MAP7: variants seen among roughly 807,000 people sequenced by gnomAD.
MAP7 encodes ensconsin.
Under a neutral mutation model 94.8 loss-of-function variants are expected in MAP7, and 52 were observed. The ratio of observed to expected loss-of-function variants is 0.55; its 90% CI spans 0.44 to 0.69. The LOEUF (loss-of-function observed/expected upper bound fraction) is 0.69. Ranked by LOEUF, MAP7 falls within the 30% of genes least tolerant of loss-of-function variation. The pLI, the probability that MAP7 is intolerant of heterozygous loss-of-function variation, is 0.00. For missense variants in MAP7, 940 were observed against 964.6 expected (o/e 0.97, Z 0.34); for synonymous variants, 350 against 357.0 (o/e 0.98, Z 0.22).
intron 7 of MAP7, among the ~76,000 whole-genome samples, chr6:136,375,113 A>G (rs1775709975): frequency 6.6e-6 from 1 of 152,216 alleles, no homozygotes; most frequent in African/African-American, 2.4e-5. Flanking sequence ...TGCAGAGAAA[A>G]GATAATGCAG....
intron 2 of MAP7, among the ~76,000 whole-genome samples, chr6:136,416,042 T>C (rs1789283953): frequency 6.6e-6 from 1 of 152,210 alleles, no homozygotes; most frequent in Non-Finnish European, 1.5e-5. Flanking sequence ...TCTTGGGTGC[T>C]AGAATGTCAT....
At chr6:136,347,237 T>C (rs1156882832) in intron 16 of MAP7, among the ~76,000 whole-genome samples, 1 of 152,258 alleles carries the variant, frequency 6.6e-6, no homozygotes, top group Non-Finnish European at 1.5e-5. Context: ...GCTTCAAAAC[T>C]TGTTCAATGC....
intron 1 of MAP7, among the ~76,000 whole-genome samples, chr6:136,463,919 T>C (rs1269007970): frequency 6.6e-6 from 1 of 152,212 alleles, no homozygotes; most frequent in Non-Finnish European, 1.5e-5. Flanking sequence ...ACAAGATTTG[T>C]AGCTTCTAAA....
chr6:136,499,811 C>T (rs761816685), intron 1 of MAP7, among the ~76,000 whole-genome samples: 4 of 151,920 alleles, frequency 2.6e-5, no homozygotes, highest in African/African-American at 7.3e-5. Flanking sequence ...CCAGCCTGGC[C>T]GACATAGGGA....
chr6:136,465,400 A>C lies in MAP7; in HGVS notation c.68-43601T>G, dbSNP rs3799432. Among the ~76,000 whole-genome samples the C allele has an allele frequency of 6.1e-4, 93 of 152,342 alleles. 1 individual carries two copies. In the East Asian group the frequency reaches 0.015, roughly 25 times the overall value. On this transcript the variant is annotated intron_variant, in intron 1 of 17. Coordinates refer to ENST00000354570, the MANE Select transcript of MAP7 (RefSeq NM_003980.6). ...AATCCTATTTTATCACATTCAAATA[A>C]TAATGAAATTCAGTGCTTATGCATC...
chr6:136,456,770 A>AGGAG (rs1464535719), intron 1 of MAP7, among the ~76,000 whole-genome samples: 338 of 49,312 alleles, frequency 6.9e-3, no homozygotes, highest in Non-Finnish European at 9.3e-3. Flanking sequence ...AGGAGGAGGA[A>AGGAG]GAAGAAGAAG....
chr6:136,428,388 C>T (rs762415522), intron 1 of MAP7, among the ~76,000 whole-genome samples: 4 of 151,990 alleles, frequency 2.6e-5, no homozygotes, highest in Non-Finnish European at 4.4e-5. Context: ...TGGTGGTGCA[C>T]GCCTGTAATT....
chr6:136,405,790 G>T (rs533924894), intron 3 of MAP7, among the ~76,000 whole-genome samples: 1 of 152,332 alleles, frequency 6.6e-6, no homozygotes, highest in African/African-American at 2.4e-5. Context: ...AGTGGTGGTT[G>T]TGAGAAGTAG....
intron 1 of MAP7, among the ~76,000 whole-genome samples, chr6:136,423,725 T>TAA (rs545495506): frequency 2.8e-4 from 37 of 133,046 alleles, no homozygotes; most frequent in African/African-American, 6.8e-4. Context: ...ATCTGAGCCT[T>TAA]AAAAAAAAAA....
intron 6 of MAP7, among the ~76,000 whole-genome samples, chr6:136,379,245 G>A (rs1777079500): frequency 6.6e-6 from 1 of 151,932 alleles, no homozygotes; most frequent in Non-Finnish European, 1.5e-5. Context: ...GCTTCCATTT[G>A]GAATGAAGTA....
chr6:136,350,795 C>G (rs911021810), intron 16 of MAP7, among the ~76,000 whole-genome samples: 1 of 152,118 alleles, frequency 6.6e-6, no homozygotes, highest in Non-Finnish European at 1.5e-5. Flanking sequence ...GAGGTAGAGG[C>G]TGCAGTGAGC....
intron 1 of MAP7, among the ~76,000 whole-genome samples, chr6:136,473,121 C>T (rs1488937608): frequency 6.6e-6 from 1 of 152,176 alleles, no homozygotes; most frequent in Non-Finnish European, 1.5e-5. Context: ...GTTAAATCTT[C>T]CAAACACATC....
At chr6:136,525,894 C>T in intron 1 of MAP7, 5 of 1,535,602 alleles carry the variant, frequency 3.3e-6, no homozygotes, top group Non-Finnish European at 4.4e-6. Context: ...GGTGAATAAA[C>T]CAAGAGGAAT....
chr6:136,350,427 T>A (rs2128524742), intron 16 of MAP7, among the ~76,000 whole-genome samples: 1 of 152,344 alleles, frequency 6.6e-6, no homozygotes, highest in African/African-American at 2.4e-5. Context: ...TATTTATGGA[T>A]GTGATTTGTC....
intron 1 of MAP7, among the ~76,000 whole-genome samples, chr6:136,542,673 A>G (rs1403909519): frequency 6.6e-6 from 1 of 152,192 alleles, no homozygotes; most frequent in Non-Finnish European, 1.5e-5. Flanking sequence ...TCCACAGGAA[A>G]TAAGAGATAC....
intron 1 of MAP7, among the ~76,000 whole-genome samples, chr6:136,494,996 T>C (rs1161810200): frequency 6.6e-6 from 1 of 152,064 alleles, no homozygotes; most frequent in African/African-American, 2.4e-5. Context: ...ACTAAGGTCA[T>C]CACTAAAACT....
intron 5 of MAP7, 124 bp from the exon 6 acceptor site, chr6:136,383,905 AAC>A: frequency 6.4e-6 from 4 of 623,724 alleles, no homozygotes; most frequent in Non-Finnish European, 8.5e-6. Flanking sequence ...CTGTCATAAT[AAC>A]ACAGTTTTCT....
intron 1 of MAP7, among the ~76,000 whole-genome samples, chr6:136,428,672 A>C (rs1236809802): frequency 6.6e-6 from 1 of 152,230 alleles, no homozygotes; most frequent in African/African-American, 2.4e-5. Flanking sequence ...AAGGGATAGG[A>C]CTGGGCCATT....
chr6:136,444,058 CA>C (rs1305938860), intron 1 of MAP7, among the ~76,000 whole-genome samples: 1 of 152,158 alleles, frequency 6.6e-6, no homozygotes, highest in East Asian at 1.9e-4. Context: ...TATACCATGT[CA>C]AAATTTCCTC....
Sources: allele counts gnomAD v4.1 joint callset (sites outside exome capture counted in the v4.1 genomes callset), GRCh38; gene constraint gnomAD v4.1.1; transcripts MANE v1.5; gene names NCBI Gene and HGNC (gene_info 2026-07-23, HGNC 2026-07-21).